The following ZFP14 variants were observed in gnomAD, a reference collection of about 807,000 sequenced individuals.
ZFP14 encodes the protein ZFP14 zinc finger protein.
In ZFP14, 22 loss-of-function variants were observed where a neutral mutation model predicts 54.5. The observed-to-expected ratio is 0.40, with a 90% CI of 0.29 to 0.58. The LOEUF (loss-of-function observed/expected upper bound fraction) is 0.58, where lower values mean the gene tolerates loss of function less well. Among genes scored for constraint, ZFP14 ranks in the 20% least tolerant of loss-of-function variants. ZFP14 has a pLI of 0.39. For missense variants in ZFP14, 470 were observed against 637.8 expected (o/e 0.74, Z 2.83); for synonymous variants, 159 against 204.0 (o/e 0.78, Z 1.88).
chr19:36,374,489 CAAA>C (rs398034483), intron 1 of ZFP14, among the ~76,000 whole-genome samples: 9 of 70,536 alleles, frequency 1.3e-4, no homozygotes, highest in Admixed American at 3.0e-4. Context: ...GACTCTGTCT[CAAA>C]AAAAAAAAAA....
At chr19:36,355,279 GAGCCC>G (rs1469569130) in intron 4 of ZFP14, among the ~76,000 whole-genome samples, 1 of 143,214 alleles carries the variant, frequency 7.0e-6, no homozygotes, top group Non-Finnish European at 1.5e-5. Context: ...TTTGAATGTT[GAGCCC>G]TAACTAACTG....
At chr19:36,345,005 A>T (rs914089361) in intron 4 of ZFP14, among the ~76,000 whole-genome samples, 2 of 152,184 alleles carry the variant, frequency 1.3e-5, no homozygotes, top group Non-Finnish European at 2.9e-5. Context: ...GTTCACACCT[A>T]TAATCCCAGC....
chr19:36,377,852 T>C (rs2031987126), intron 1 of ZFP14, among the ~76,000 whole-genome samples: 2 of 148,660 alleles, frequency 1.3e-5, no homozygotes, highest in Admixed American at 1.3e-4. Context: ...TCTCAAAAAA[T>C]ACAAAAAAAA....
chr19:36,360,714 TG>T (rs1294601430), intron 3 of ZFP14, among the ~76,000 whole-genome samples, 181 bp from the exon 4 acceptor site: 1 of 152,202 alleles, frequency 6.6e-6, no homozygotes, highest in Non-Finnish European at 1.5e-5. Flanking sequence ...AGGAATAGCC[TG>T]TATGAGGTTA....
In ZFP14 at chr19:36,340,856, C is replaced by G. The variant is rs752290856; in HGVS notation, c.970G>C (p.Gly324Arg). 1 of 1,612,720 alleles carries G rather than the reference C, an allele frequency of 6.2e-7. No individual in the cohort carries two copies. Among genetic ancestry groups the G allele is most frequent in the Non-Finnish European group, 8.5e-7 (1 of 1,179,710 alleles). ...CKECGKAFVCGPDLRVHQKIH... is the reference protein window; with the variant it reads ...CKECGKAFVCRPDLRVHQKIH... The stretch of plus-strand genomic sequence containing the variant: ...TTCTGATGTACTCTAAGGTCTGGAC[C>G]ACATACGAAGGCTTTCCCACATTCC... Residue 324 changes from glycine (G) to arginine (R), a missense_variant, in exon 5 of 5, where the codon GGT (glycine) becomes CGT (arginine). By Grantham distance (125) the Gly-to-Arg change is moderately radical. Coordinates refer to ENST00000270001, the MANE Select transcript of ZFP14 (RefSeq NM_020917.3). This position sits in a 1 kb window ranked among gnomAD's most constrained non-coding sequence, Gnocchi z 5.4.
rs552138222 is a variant in ZFP14 at position 36,365,163 on chromosome 19, C to T, written c.9+2721G>A. Among the ~76,000 whole-genome samples the T allele has an allele frequency of 1.9e-3, 286 of 151,988 alleles. 14 individuals are homozygous for T. In the South Asian group the frequency reaches 0.056, roughly 30 times the overall value. ...GATTACAGGCGTGAGCCACTACACA[C>T]GGCCTCCCATTATGTGAAATCAGAG... On this transcript the variant is annotated intron_variant, in intron 2 of 4. Coordinates refer to ENST00000270001, the MANE Select transcript of ZFP14 (RefSeq NM_020917.3).
intron 4 of ZFP14, among the ~76,000 whole-genome samples, chr19:36,352,653 C>A (rs1488836569): frequency 4.2e-5 from 6 of 142,362 alleles, no homozygotes; most frequent in Non-Finnish European, 9.4e-5. Flanking sequence ...TAAAAATTAG[C>A]CATGTGGGCT....
At position 36,339,723 on chromosome 19, in the gene ZFP14, G is replaced by T. The variant is rs2031274020; in HGVS notation, c.*501C>A. The T allele has an allele frequency of 6.5e-6, 1 of 153,236 alleles. No individual in the cohort carries two copies. 9.5% of individuals were successfully genotyped at this position (153,236 alleles called of 1,614,324 possible). ...GGATCCTTCCCCAGTTGAGCCTTCA[G>T]ATGAGACCTCAGCCCTGGCTGAAAT... On this transcript the variant is annotated 3_prime_UTR_variant, in exon 5 of 5. Coordinates refer to ENST00000270001, the MANE Select transcript of ZFP14 (RefSeq NM_020917.3).
At position 36,366,254 on chromosome 19, in the gene ZFP14, C is replaced by T. The variant is rs535300473; in HGVS notation, c.9+1630G>A. On this transcript the variant is annotated intron_variant, in intron 2 of 4. Coordinates refer to ENST00000270001, the MANE Select transcript of ZFP14 (RefSeq NM_020917.3). ...CTGCACTCCAGCCTGGGCGACAGAGCGAGACTCTGTCTCAAAAAAAAAAAA... is the reference window on the plus strand; with the variant it reads ...CTGCACTCCAGCCTGGGCGACAGAGTGAGACTCTGTCTCAAAAAAAAAAAA... Among the ~76,000 whole-genome samples the T allele has an allele frequency of 1.2e-3, 187 of 151,468 alleles. 2 individuals carry two copies. The highest frequency in any genetic ancestry group is 4.4e-3 in the African/African-American group (180 of 41,284).
At chr19:36,369,658 G>A (rs139835098) in intron 1 of ZFP14, among the ~76,000 whole-genome samples, 222 of 152,004 alleles carry the variant, frequency 1.5e-3, no homozygotes, top group Non-Finnish European at 2.0e-3. Flanking sequence ...TGATCCACCC[G>A]CCTCAGCCTC....
rs769028734 is a variant in ZFP14, at chr19:36,360,472, C to G, written c.198G>C (p.Gly66=). 1.1e-5 allele frequency: 18 copies of G among 1,613,812 alleles called. No homozygotes were observed. Among genetic ancestry groups the G allele is most frequent in the African/African-American group, 1.3e-5 (1 of 75,036 alleles). Residue 66 remains glycine (G), a synonymous_variant, in exon 4 of 5, where the codon GGG becomes GGC. Coordinates refer to ENST00000270001, the MANE Select transcript of ZFP14 (RefSeq NM_020917.3). ...TLLDEERKEP[G]MVVREGTRRY... is the part of the protein sequence containing the mutation. ...TTCTTGTCCCTTCCCTCACAACCAT[C>G]CCAGGTTCCTTCCTTTCTTCATCCA...
intron 3 of ZFP14, 62 bp from the exon 4 acceptor site, chr19:36,360,595 G>A: frequency 5.4e-6 from 8 of 1,479,450 alleles, no homozygotes; most frequent in South Asian, 2.6e-5. Flanking sequence ...TTTAGATTTG[G>A]TTAAATTTAT....
chr19:36,352,872 C>T lies in ZFP14; in HGVS notation c.235+7563G>A, dbSNP rs1238315813. ...AGAAGAATGGCGTGAACCCGGGAGG[C>T]GGAGCTTGCAGTGAGCCGAGATCGC... On this transcript the variant is annotated intron_variant, in intron 4 of 4. Coordinates refer to ENST00000270001, the MANE Select transcript of ZFP14 (RefSeq NM_020917.3). 2.9e-5 allele frequency among the ~76,000 whole-genome samples: 4 copies of T among 138,450 alleles called. 1 individual carries two copies. The highest frequency in any genetic ancestry group is 6.3e-5 in the Non-Finnish European group (4 of 63,048). 90.8% of individuals were successfully genotyped at this position (138,450 alleles called of 152,430 possible). A position where few individuals can be genotyped will look rare whatever the true frequency, so the allele number is the denominator to read the frequency against.
chr19:36,350,771 A>G (rs1303203091), intron 4 of ZFP14, among the ~76,000 whole-genome samples: 1 of 142,692 alleles, frequency 7.0e-6, no homozygotes, highest in African/African-American at 2.6e-5. Flanking sequence ...ATCCAAAAGC[A>G]GCTAACGGGA....
Position 36,340,717 on chromosome 19 carries a change from C to A in ZFP14, c.1109G>T (p.Cys370Phe). Residue 370 changes from cysteine (C) to phenylalanine (F), a missense_variant, in exon 5 of 5, where the codon TGT (cysteine) becomes TTT (phenylalanine). By Grantham distance (205) the Cys-to-Phe change is radical. Coordinates refer to ENST00000270001, the MANE Select transcript of ZFP14 (RefSeq NM_020917.3). The surrounding 1 kb of genome is among the most constrained non-coding windows in gnomAD (Gnocchi z 5.4). Reference sequence around the variant, plus strand: ...TCTAAAAGTCTTCCCACATTCCTTACATTCGTAGGGTTTCTCACCAGTATG... The same window carrying A: ...TCTAAAAGTCTTCCCACATTCCTTAAATTCGTAGGGTTTCTCACCAGTATG... ...SIHTGEKPYE[C>F]KECGKTFRLR... 6.2e-7 allele frequency: 1 copy of A among 1,614,064 alleles called. No individual in the cohort carries two copies. The highest frequency in any genetic ancestry group is 8.5e-7 in the Non-Finnish European group (1 of 1,179,970).
intron 4 of ZFP14, among the ~76,000 whole-genome samples, chr19:36,342,538 T>G (rs2031339788): frequency 6.7e-6 from 1 of 149,058 alleles, no homozygotes; most frequent in African/African-American, 2.5e-5. Context: ...ATAGTTGACA[T>G]CTAAAGGGAT....
chr19:36,363,189 C>CTTTTTTT (rs772799449), intron 2 of ZFP14, among the ~76,000 whole-genome samples: 66 of 97,742 alleles, frequency 6.8e-4, no homozygotes, highest in Non-Finnish European at 9.5e-4. Context: ...CTTTTCTTTT[C>CTTTTTTT]TTTTTTTTTT....
At chr19:36,361,316 T>C (rs1267413237) in intron 3 of ZFP14, among the ~76,000 whole-genome samples, 1 of 152,168 alleles carries the variant, frequency 6.6e-6, no homozygotes, top group East Asian at 1.9e-4. Flanking sequence ...CTCAACTCAC[T>C]GCAACCTCAG....
chr19:36,349,234 AAAAAAAAAC>A lies in ZFP14; in HGVS notation c.236-7653_236-7645del, dbSNP rs1365545378. On this transcript the variant is annotated intron_variant, in intron 4 of 4. Coordinates refer to ENST00000270001, the MANE Select transcript of ZFP14 (RefSeq NM_020917.3). ...CTATAAGAGGGGAACTCTGTCTCAA[AAAAAAAAAC>A]AAAAAAAAAAAAACAAAAAAAAAAA... Among the ~76,000 whole-genome samples, 3 of 46,016 alleles carry A rather than the reference AAAAAAAAAC, an allele frequency of 6.5e-5. 1 individual carries two copies. Among genetic ancestry groups the A allele is most frequent in the Admixed American group, 4.5e-4 (2 of 4,464 alleles). 30.2% of individuals were successfully genotyped at this position (46,016 alleles called of 152,430 possible). A position where few individuals can be genotyped will look rare whatever the true frequency, so the allele number is the denominator to read the frequency against.
Sources: gnomAD v4.1 joint callset for allele counts (sites outside exome capture counted in the v4.1 genomes callset) on GRCh38, gnomAD v4.1.1 for gene constraint, Gnocchi (gnomAD v3.1) non-coding constraint, MANE v1.5 for transcripts, NCBI Gene and HGNC (gene_info 2026-07-23, HGNC 2026-07-21) for gene names.